DSC2: variants seen among roughly 807,000 people sequenced by gnomAD.
DSC2 encodes the protein desmocollin-2.
DSC2 carries 51 observed loss-of-function variants against 87.6 expected under a neutral mutation model. The observed-to-expected ratio is 0.58, with a 90% CI of 0.46 to 0.74. The LOEUF (loss-of-function observed/expected upper bound fraction) is 0.74. Among genes scored for constraint, DSC2 ranks in the 30% least tolerant of loss-of-function variants. The pLI is 0.00. For synonymous variants in DSC2, 383 were observed against 393.2 expected (o/e 0.97, Z 0.31); for missense variants, 1,066 against 1,089.5 (o/e 0.98, Z 0.30).
At chr18:31,094,197 A>G (rs1987695241) in intron 1 of DSC2, among the ~76,000 whole-genome samples, 1 of 152,226 alleles carries the variant, frequency 6.6e-6, no homozygotes, top group East Asian at 1.9e-4. Flanking sequence ...TTACTGAGGC[A>G]GCAAACTGTT....
At chr18:31,072,988 T>C (rs1398741782) in intron 12 of DSC2, among the ~76,000 whole-genome samples, 4 of 152,218 alleles carry the variant, frequency 2.6e-5, no homozygotes, top group African/African-American at 9.6e-5. Flanking sequence ...TTTTAGTAAA[T>C]TGATGCTCAA....
chr18:31,087,546 A>G, intron 6 of DSC2, 123 bp downstream of exon 6: 6 of 1,192,284 alleles, frequency 5.0e-6, no homozygotes, highest in Non-Finnish European at 7.3e-6. Flanking sequence ...ACAGAGTAAA[A>G]TTCCACCCAG....
rs201548399 is a variant in DSC2 at position 31,069,010 on chromosome 18, G to C, written c.2392C>G (p.Arg798Gly). The C allele has an allele frequency of 6.2e-7, 1 of 1,613,974 alleles. No individual in the cohort carries two copies. The highest frequency in any genetic ancestry group is 8.5e-7 in the Non-Finnish European group (1 of 1,179,978). The stretch of plus-strand genomic sequence containing the variant: ...AGGGTGTGATGGTGGCCAGCCCCCC[G>C]GCAGGATTCCGAGGTCTGGTGTCCT... ...KGGHQTSESC[R>G]GAGHHHTLDS... The change falls in exon 15 of 16, where the codon CGG becomes GGG. Residue 798 changes from arginine (R) to glycine (G), a missense_variant. Arg to Gly is a moderately radical substitution (Grantham distance 125, BLOSUM62 -2). Transcript: ENST00000280904.
intron 12 of DSC2, among the ~76,000 whole-genome samples, chr18:31,073,740 C>G (rs1790664): frequency 1 from 151,602 of 152,270 alleles, 75,472 homozygotes; most frequent in Middle Eastern, 1. Context: ...AAGAGTTACG[C>G]GCCAACTAGG....
intron 12 of DSC2, 68 bp downstream of exon 12, chr18:31,074,615 C>T (rs1306935531): frequency 9.9e-6 from 12 of 1,209,550 alleles, no homozygotes; most frequent in Non-Finnish European, 1.3e-5. Context: ...CTATTTCATA[C>T]AAAAAAAAAA....
In DSC2 at chr18:31,061,816, C is replaced by G. The variant is rs1986507855; in HGVS notation, c.*6199G>C. ...TTAGCTATTGATGGGATAAAGAACACAAGGACAGGTGGGGAGAGAAGAGCT... is the reference window on the plus strand; with the variant it reads ...TTAGCTATTGATGGGATAAAGAACAGAAGGACAGGTGGGGAGAGAAGAGCT... On this transcript the variant is annotated 3_prime_UTR_variant, in exon 16 of 16. Transcript: ENST00000280904. The G allele has an allele frequency of 6.6e-6, 1 of 152,118 alleles. No homozygotes were observed. Among genetic ancestry groups the G allele is most frequent in the Non-Finnish European group, 1.5e-5 (1 of 68,024 alleles). The allele number at this position is 152,118 out of a possible 1,614,324, so 9.4% of individuals were successfully genotyped here. A position where few individuals can be genotyped will look rare whatever the true frequency, so the allele number is the denominator to read the frequency against.
Position 31,089,582 on chromosome 18 carries a change from T to C in DSC2, c.487A>G (p.Thr163Ala), listed in dbSNP as rs1286006626. 6.2e-7 allele frequency: 1 copy of C among 1,613,826 alleles called. No individual in the cohort carries two copies. The highest frequency in any genetic ancestry group is 8.5e-7 in the Non-Finnish European group (1 of 1,179,842). Residue 163 changes from threonine to alanine, a missense_variant, in exon 5 of 16, where the codon ACG (threonine) becomes GCG (alanine). By Grantham distance (58) the Thr-to-Ala change is moderately conservative (BLOSUM62 0). Coordinates refer to ENST00000280904, the MANE Select transcript of DSC2 (RefSeq NM_024422.6). ...PLFLQQVQSD[T>A]AQNYTIYYSI... ...TAGTATATGGTATAGTTTTGGGCCG[T>C]GTCAGATTGAACCTAGAAAGTAGAT... is the stretch of plus-strand genomic sequence containing the variant.
At chr18:31,100,812 C>G (rs1202208767) in intron 1 of DSC2, among the ~76,000 whole-genome samples, 1 of 152,194 alleles carries the variant, frequency 6.6e-6, no homozygotes, top group Non-Finnish European at 1.5e-5. Flanking sequence ...ACAAGGAGCA[C>G]TTTTCCACAC....
intron 7 of DSC2, among the ~76,000 whole-genome samples, chr18:31,083,557 TAGAC>T (rs1292870229): frequency 6.6e-6 from 1 of 152,150 alleles, no homozygotes; most frequent in Non-Finnish European, 1.5e-5. Context: ...TTCAAAAAAA[TAGAC>T]AGCAATGACT....
At chr18:31,074,561 A>G (rs1986944999) in intron 12 of DSC2, 122 bp downstream of exon 12, 2 of 942,824 alleles carry the variant, frequency 2.1e-6, no homozygotes, top group Non-Finnish European at 3.3e-6. Flanking sequence ...ACACACAAAA[A>G]CTGAGAAACT....
intron 15 of DSC2, chr18:31,068,454 T>C (rs1157149659): frequency 8.9e-7 from 1 of 1,127,938 alleles, no homozygotes; most frequent in Non-Finnish European, 1.3e-6. Context: ...CAGGTGTTCA[T>C]TTTACATAGT....
At position 31,074,776 on chromosome 18, in the gene DSC2, G is replaced by C. The variant is rs1268076293; in HGVS notation, c.1795C>G (p.Pro599Ala). The C allele has an allele frequency of 3.7e-6, 6 of 1,613,908 alleles. No homozygotes were observed. The Admixed American group carries it at 5.0e-5, about 13-fold the overall frequency. The change falls in exon 12 of 16, where the codon CCT becomes GCT. Residue 599 changes from proline (P) to alanine (A), a missense_variant. Coordinates refer to ENST00000280904, the MANE Select transcript of DSC2 (RefSeq NM_024422.6). ...GGTGGGCCATGGATAGGCTCATCAG[G>C]ATCAACCGCAACAATCTCCGCAGAT... The part of the protein sequence containing the change: ...MSSAEIVAVD[P>A]DEPIHGPPFD...
At chr18:31,089,218 A>C (rs934705785) in intron 5 of DSC2, among the ~76,000 whole-genome samples, 1 of 152,036 alleles carries the variant, frequency 6.6e-6, no homozygotes, top group Non-Finnish European at 1.5e-5. Context: ...TGGGGGAAAA[A>C]AAAATAGTAA....
chr18:31,071,568 G>A, intron 13 of DSC2, 37 bp downstream of exon 13: 6 of 1,573,358 alleles, frequency 3.8e-6, no homozygotes, highest in Non-Finnish European at 4.4e-6. Flanking sequence ...TACTTTAAAG[G>A]GTATTATTTG....
In DSC2 at chr18:31,085,784, T is replaced by C. The variant is rs189072009; in HGVS notation, c.942+792A>G. Among the ~76,000 whole-genome samples the C allele has an allele frequency of 5.4e-3, 821 of 152,134 alleles. 6 individuals carry two copies. Among genetic ancestry groups the C allele is most frequent in the Middle Eastern group, 0.041 (12 of 294 alleles). ...TACTATATTTTAAGATTAAGGATTA[T>C]AAATATAGTAAATAAGGACACAGAA... On this transcript the variant is annotated intron_variant, in intron 7 of 15. Transcript: ENST00000280904.
rs1247276379 is a variant in DSC2 at position 31,102,121 on chromosome 18, C to T, written c.-150G>A. On this transcript the variant is annotated 5_prime_UTR_variant, in exon 1 of 16. Coordinates refer to ENST00000280904, the MANE Select transcript of DSC2 (RefSeq NM_024422.6). ...GTGGGGCGCGCGGAGAGGTGCTTTT[C>T]TTAGCTTCTCTGAAGCGCCTGCCTC... The T allele has an allele frequency of 1.6e-6, 1 of 608,202 alleles. No individual in the cohort carries two copies. Among genetic ancestry groups the T allele is most frequent in the Admixed American group, 4.2e-5 (1 of 23,950 alleles). The allele number at this position is 608,202 out of a possible 1,614,324, so 37.7% of individuals were successfully genotyped here.
rs893622744 is a variant in DSC2 at position 31,092,446 on chromosome 18, T to C, written c.155-146A>G. ...TTTTGAAAGGACACATAAAACTATA[T>C]GGTGAATTAAGTTGTGCTTAAATAC... On this transcript the variant is annotated intron_variant, in intron 2 of 15. Coordinates refer to ENST00000280904, the MANE Select transcript of DSC2 (RefSeq NM_024422.6). 5.8e-6 allele frequency: 4 copies of C among 692,424 alleles called. No homozygotes were observed. In the East Asian group the frequency reaches 8.1e-5, roughly 14 times the overall value. 42.9% of individuals were successfully genotyped at this position (692,424 alleles called of 1,614,324 possible). A position where few individuals can be genotyped will look rare whatever the true frequency, so the allele number is the denominator to read the frequency against.
chr18:31,101,689 A>C, intron 1 of DSC2: 1 of 565,210 alleles, frequency 1.8e-6, no homozygotes, highest in African/African-American at 2.0e-5. Context: ...TCTACCGGAG[A>C]CACCTTCCCT....
intron 12 of DSC2, among the ~76,000 whole-genome samples, chr18:31,072,446 T>C (rs1220397860): frequency 6.6e-6 from 1 of 152,176 alleles, no homozygotes; most frequent in Non-Finnish European, 1.5e-5. Context: ...TTTGATGTAG[T>C]TTTCTTAGAT....
Sources: gnomAD v4.1 joint callset for allele counts (sites outside exome capture counted in the v4.1 genomes callset) on GRCh38, gnomAD v4.1.1 for gene constraint, MANE v1.5 for transcripts, NCBI Gene and HGNC (gene_info 2026-07-23, HGNC 2026-07-21) for gene names.